The following AGAP1 variants were observed in gnomAD, a reference collection of about 807,000 sequenced individuals.
AGAP1 encodes the protein arf-GAP with GTPase, ANK repeat and PH domain-containing protein 1.
In AGAP1, 29 loss-of-function variants were observed where a neutral mutation model predicts 105.3. The observed-to-expected ratio is 0.28, with a 90% CI of 0.21 to 0.38. The LOEUF is 0.38. AGAP1 is among the 10% of genes least tolerant of loss of function. The pLI, the probability that AGAP1 is intolerant of heterozygous loss-of-function variation, is 1.00. For synonymous variants in AGAP1, 509 were observed against 485.9 expected, an observed-to-expected ratio of 1.05 and a Z score of -0.63; for missense variants, 998 against 1,165.1, an observed-to-expected ratio of 0.86 and a Z score of 2.09.
intron 1 of AGAP1, among the ~76,000 whole-genome samples, chr2:235,541,283 G>A (rs1232030301): frequency 1.3e-5 from 2 of 150,644 alleles, no homozygotes; most frequent in Non-Finnish European, 2.9e-5. Flanking sequence ...AACCTTTGAA[G>A]CATCTTGTGG....
Position 236,105,893 on chromosome 2 carries a change from G to A in AGAP1, c.2115-14299G>A, listed in dbSNP as rs145112983. On this transcript the variant is annotated intron_variant, in intron 16 of 17. Transcript: ENST00000304032. The surrounding 1 kb of genome is among the most constrained non-coding windows in gnomAD (Gnocchi z 4.2). ...ATTACAGGCGTGAGCCATCGTGCCC[G>A]GCCCCTCTTGTGCCTCTTCTTATAA... 1.9e-3 allele frequency among the ~76,000 whole-genome samples: 292 copies of A among 152,234 alleles called. 1 individual carries two copies. Among genetic ancestry groups the A allele is most frequent in the Middle Eastern group, 3.4e-3 (1 of 294 alleles).
At chr2:235,536,927 C>T (rs1943257252) in intron 1 of AGAP1, among the ~76,000 whole-genome samples, 1 of 152,174 alleles carries the variant, frequency 6.6e-6, no homozygotes, top group Non-Finnish European at 1.5e-5. Flanking sequence ...CATGGCTCCC[C>T]AGTTCTCTGC....
intron 16 of AGAP1, among the ~76,000 whole-genome samples, chr2:236,088,064 C>T (rs72973096): frequency 1.8e-3 from 281 of 152,300 alleles, no homozygotes; most frequent in Non-Finnish European, 3.3e-3. Context: ...TCAGTCTCCA[C>T]GATGGTTATT....
Position 235,973,326 on chromosome 2 carries a change from T to TA in AGAP1, c.1645+4704dup, listed in dbSNP as rs1344710419. ...AATGAATCGGAGGAATCTGGAAAGTTACAGAAGCAGGGACGGTGACTGGAG... is the reference window on the plus strand; with the variant it reads ...AATGAATCGGAGGAATCTGGAAAGTTAACAGAAGCAGGGACGGTGACTGGAG... On this transcript the variant is annotated intron_variant, in intron 13 of 17. Transcript: ENST00000304032. This position sits in a 1 kb window ranked among gnomAD's most constrained non-coding sequence, Gnocchi z 4.7. Among the ~76,000 whole-genome samples, 4 of 152,210 alleles carry TA rather than the reference T, an allele frequency of 2.6e-5. No individual in the cohort carries two copies. The highest frequency in any genetic ancestry group is 9.6e-5 in the African/African-American group (4 of 41,470).
At chr2:235,717,788 G>T in intron 3 of AGAP1, 144 bp downstream of exon 3, 3 of 687,282 alleles carry the variant, frequency 4.4e-6, no homozygotes, top group Admixed American at 3.5e-5. Flanking sequence ...TTAAGTATGT[G>T]GTTTCTTCTG....
chr2:235,594,883 GTTTTT>G (rs34386154), intron 1 of AGAP1, among the ~76,000 whole-genome samples: 1 of 109,912 alleles, frequency 9.1e-6, no homozygotes, highest in Non-Finnish European at 1.8e-5. Flanking sequence ...CCAGATTGCT[GTTTTT>G]TTTTTTTTTT....
At chr2:235,696,508 C>G (rs1032600256) in intron 1 of AGAP1, among the ~76,000 whole-genome samples, 5 of 152,170 alleles carry the variant, frequency 3.3e-5, no homozygotes, top group Non-Finnish European at 7.3e-5. Context: ...ATTGTGGCAT[C>G]TTGGATGTGA....
chr2:235,780,581 A>G lies in AGAP1; in HGVS notation c.674-17178A>G, dbSNP rs560490210. 6.6e-5 allele frequency among the ~76,000 whole-genome samples: 10 copies of G among 152,288 alleles called. No homozygotes were observed. The East Asian group carries it at 1.7e-3, about 26-fold the overall frequency. On this transcript the variant is annotated intron_variant, in intron 6 of 17. Coordinates refer to ENST00000304032, the MANE Select transcript of AGAP1 (RefSeq NM_001037131.3). ...GTAATTTACAGTGCTGTGGCAAGGT[A>G]TGTTTATATTTAAGCTGTGCAACGG...
At chr2:235,670,203 TG>T in intron 1 of AGAP1, 2 of 576,846 alleles carry the variant, frequency 3.5e-6, no homozygotes, top group African/African-American at 2.0e-5. Context: ...TCCGTGACCA[TG>T]GTCAGGAAGG....
In AGAP1 at chr2:236,086,432, A is replaced by G. The variant is rs551233366; in HGVS notation, c.2115-33760A>G. 2.6e-5 allele frequency among the ~76,000 whole-genome samples: 4 copies of G among 152,366 alleles called. No individual in the cohort carries two copies. The South Asian group carries it at 8.3e-4, about 32-fold the overall frequency. ...ATTGTTCTTTAAGAAGAGCAGTACA[A>G]GGAAAATATTATTTTATGTAATTTT... On this transcript the variant is annotated intron_variant, in intron 16 of 17. Coordinates refer to ENST00000304032, the MANE Select transcript of AGAP1 (RefSeq NM_001037131.3).
intron 10 of AGAP1, among the ~76,000 whole-genome samples, chr2:235,884,452 G>GTTTTTTTT (rs35976413): frequency 8.0e-6 from 1 of 124,674 alleles, no homozygotes; most frequent in Non-Finnish European, 1.6e-5. Context: ...ATTTTTCACT[G>GTTTTTTTT]TTTTTTTTTT....
Position 235,714,463 on chromosome 2 carries a change from T to C in AGAP1, c.223-3094T>C, listed in dbSNP as rs190443679. 3.0e-4 allele frequency among the ~76,000 whole-genome samples: 45 copies of C among 151,982 alleles called. No homozygotes were observed. Among genetic ancestry groups the C allele is most frequent in the African/African-American group, 1.0e-3 (43 of 41,442 alleles). ...AGTAGGTTTCGGGGAATGATTGATATGGAAAGCTTTAGTTGCCTGGAGACA... is the reference window on the plus strand; with the variant it reads ...AGTAGGTTTCGGGGAATGATTGATACGGAAAGCTTTAGTTGCCTGGAGACA... On this transcript the variant is annotated intron_variant, in intron 2 of 17. Transcript: ENST00000304032. The surrounding 1 kb of genome is among the most constrained non-coding windows in gnomAD (Gnocchi z 4.1).
chr2:235,571,194 C>A (rs1944500867), intron 1 of AGAP1, among the ~76,000 whole-genome samples: 1 of 152,182 alleles, frequency 6.6e-6, no homozygotes, highest in African/African-American at 2.4e-5. Context: ...AAGGATCCAC[C>A]CCATGATCCA....
chr2:235,791,441 G>A (rs993165926), intron 6 of AGAP1, among the ~76,000 whole-genome samples: 3 of 152,014 alleles, frequency 2.0e-5, no homozygotes, highest in African/African-American at 4.8e-5. Flanking sequence ...TTGTAGGGGC[G>A]GGGGATGGAT....
intron 7 of AGAP1, 30 bp downstream of exon 7, chr2:235,797,916 CTT>C: frequency 6.2e-7 from 1 of 1,612,738 alleles, no homozygotes; most frequent in Non-Finnish European, 8.5e-7. Context: ...AAGTCAGACT[CTT>C]AGAACCAAAG....
intron 11 of AGAP1, among the ~76,000 whole-genome samples, chr2:235,929,690 T>G (rs955765219): frequency 6.6e-6 from 1 of 152,084 alleles, no homozygotes; most frequent in African/African-American, 2.4e-5. Flanking sequence ...TGGCTTCTCA[T>G]CCATATCACC....
In AGAP1 at chr2:235,807,485, T is replaced by C. The variant is rs373175799; in HGVS notation, c.1050+154T>C. Among the ~76,000 whole-genome samples, 13 of 152,334 alleles carry C rather than the reference T, an allele frequency of 8.5e-5. No homozygotes were observed. The East Asian group carries it at 2.1e-3, about 25-fold the overall frequency. ...TTGACATCAATTAGCAGAGTTCCTG[T>C]GTGTATTCAAATGGGATCATTAGAA... On this transcript the variant is annotated intron_variant, in intron 9 of 17. Coordinates refer to ENST00000304032, the MANE Select transcript of AGAP1 (RefSeq NM_001037131.3).
chr2:235,815,691 T>C (rs1026021470), intron 9 of AGAP1, among the ~76,000 whole-genome samples: 1 of 152,150 alleles, frequency 6.6e-6, no homozygotes, highest in Non-Finnish European at 1.5e-5. Flanking sequence ...AAGAAAAACT[T>C]ACTTGAAGAG....
chr2:236,117,759 C>A (rs551467502), intron 16 of AGAP1, among the ~76,000 whole-genome samples: 9 of 152,310 alleles, frequency 5.9e-5, no homozygotes, highest in African/African-American at 2.2e-4. Context: ...TTATGAAATG[C>A]ATCAACAAAC....
Sources: allele counts gnomAD v4.1 joint callset (sites outside exome capture counted in the v4.1 genomes callset), GRCh38; gene constraint gnomAD v4.1.1; non-coding constraint Gnocchi (gnomAD v3.1); transcripts MANE v1.5; gene names NCBI Gene and HGNC (gene_info 2026-07-23, HGNC 2026-07-21).